The following FUT8 variants were observed in gnomAD, a reference collection of about 807,000 sequenced individuals.
FUT8 encodes fucosyltransferase 8.
In FUT8, 29 loss-of-function variants were observed where a neutral mutation model predicts 71.3. The ratio of observed to expected loss-of-function variants is 0.41; its 90% CI spans 0.30 to 0.55. FUT8 has a LOEUF of 0.55. Ranked by LOEUF, FUT8 falls within the 20% of genes least tolerant of loss-of-function variation. The pLI, the probability that FUT8 is intolerant of heterozygous loss-of-function variation, is 0.34. For missense variants in FUT8, 544 were observed against 702.1 expected (o/e 0.77, Z 2.55); for synonymous variants, 254 against 239.3 (o/e 1.06, Z -0.57).
chr14:65,566,194 G>T (rs1194503514), intron 3 of FUT8, among the ~76,000 whole-genome samples: 1 of 151,882 alleles, frequency 6.6e-6, no homozygotes, highest in Admixed American at 6.6e-5. Flanking sequence ...TTTCTGGAAG[G>T]ATAGCCCAGA....
At chr14:65,378,753 T>A in the FUT8 span, among the ~76,000 whole-genome samples, 1 of 150,874 alleles carries the variant, frequency 6.6e-6, no homozygotes, top group Admixed American at 6.6e-5. Flanking sequence ...TAGTGACCCT[T>A]ACAGCATCAA....
At chr14:65,531,311 G>A (rs1417363443) in intron 2 of FUT8, among the ~76,000 whole-genome samples, 5 of 152,010 alleles carry the variant, frequency 3.3e-5, no homozygotes, top group Non-Finnish European at 5.9e-5. Flanking sequence ...TTGAGTTCCT[G>A]TACTAGGTGT....
intron 2 of FUT8, among the ~76,000 whole-genome samples, chr14:65,548,491 AT>A (rs917003991): frequency 1.7e-4 from 26 of 148,886 alleles, no homozygotes; most frequent in African/African-American, 3.4e-4. Flanking sequence ...GGCCATCTTG[AT>A]TTTTTTTTTG....
At chr14:65,434,159 T>C (rs2065519427) in intron 1 of FUT8, among the ~76,000 whole-genome samples, 1 of 152,204 alleles carries the variant, frequency 6.6e-6, no homozygotes, top group Non-Finnish European at 1.5e-5. Context: ...AATTCTAAAA[T>C]GCCTTATACA....
At chr14:65,598,023 A>G (rs1188548164) in intron 3 of FUT8, among the ~76,000 whole-genome samples, 4 of 152,076 alleles carry the variant, frequency 2.6e-5, no homozygotes, top group African/African-American at 4.8e-5. Flanking sequence ...AAAAAATACA[A>G]TTAGCTGGGC....
chr14:65,595,775 A>G (rs1887944739), intron 3 of FUT8, among the ~76,000 whole-genome samples: 1 of 151,578 alleles, frequency 6.6e-6, no homozygotes, highest in Non-Finnish European at 1.5e-5. Flanking sequence ...CCCCTGGCTA[A>G]TTTTTTTGTA....
intron 3 of FUT8, among the ~76,000 whole-genome samples, chr14:65,582,665 C>T (rs1887156005): frequency 6.6e-6 from 1 of 152,186 alleles, no homozygotes; most frequent in South Asian, 2.1e-4. Flanking sequence ...TCATTGTACT[C>T]TCCACAGTTT....
intron 2 of FUT8, among the ~76,000 whole-genome samples, chr14:65,556,831 C>T (rs934967953): frequency 4.5e-4 from 68 of 152,252 alleles, no homozygotes; most frequent in African/African-American, 1.5e-3. Flanking sequence ...GGTGCCTCAC[C>T]ACTGATGATT....
chr14:65,564,517 G>A (rs1886084466), intron 3 of FUT8, among the ~76,000 whole-genome samples: 1 of 151,978 alleles, frequency 6.6e-6, no homozygotes, highest in Admixed American at 6.6e-5. Flanking sequence ...CAGTGTATTT[G>A]TGTAAATCTG....
At chr14:65,687,615 A>T (rs1163501714) in intron 7 of FUT8, among the ~76,000 whole-genome samples, 1 of 152,192 alleles carries the variant, frequency 6.6e-6, no homozygotes, top group Non-Finnish European at 1.5e-5. Context: ...TATATTTTTA[A>T]ATATTAGAGT....
intron 2 of FUT8, among the ~76,000 whole-genome samples, chr14:65,510,050 G>T (rs1363970924): frequency 6.6e-6 from 1 of 152,110 alleles, no homozygotes; most frequent in African/African-American, 2.4e-5. Flanking sequence ...TCCCCATTCA[G>T]TGTGATACTA....
chr14:65,602,922 T>G (rs1392825049), intron 3 of FUT8, among the ~76,000 whole-genome samples: 5 of 151,990 alleles, frequency 3.3e-5, no homozygotes, highest in African/African-American at 1.2e-4. Flanking sequence ...ATTCATAGTT[T>G]GCAGAGATTT....
chr14:65,393,939 A>C, the FUT8 span, among the ~76,000 whole-genome samples: 1 of 152,162 alleles, frequency 6.6e-6, no homozygotes, highest in Non-Finnish European at 1.5e-5. Flanking sequence ...AGCCAAGTGA[A>C]AGGGGGTTTC....
rs544072724 is a variant in FUT8, at chr14:65,626,128, A to C, written c.483-3364A>C. 3.9e-5 allele frequency among the ~76,000 whole-genome samples: 6 copies of C among 152,114 alleles called. No individual in the cohort carries two copies. The East Asian group carries it at 7.7e-4, about 20-fold the overall frequency. ...CCACGTGTTACTGTTACCCACATCT[A>C]ATGGCTCCTTCCTCTTGGTAGTAGA... On this transcript the variant is annotated intron_variant, in intron 5 of 10. Transcript: ENST00000673929.
At chr14:65,407,740 A>G (rs1162384143), upstream of FUT8, among the ~76,000 whole-genome samples, 1 of 152,268 alleles carries the variant, frequency 6.6e-6, no homozygotes, top group Non-Finnish European at 1.5e-5. Context: ...TGTAGAATTA[A>G]TAGTCCAGGA....
intron 2 of FUT8, among the ~76,000 whole-genome samples, chr14:65,536,603 G>A (rs896107369): frequency 6.6e-6 from 1 of 152,148 alleles, no homozygotes; most frequent in Non-Finnish European, 1.5e-5. Context: ...GACTTATGAG[G>A]TTTCTTCTGA....
chr14:65,390,916 C>T, the FUT8 span, among the ~76,000 whole-genome samples: 2 of 151,978 alleles, frequency 1.3e-5, no homozygotes, highest in Non-Finnish European at 2.9e-5. Flanking sequence ...TTAGTAGAGA[C>T]AGGGTTTCAC....
intron 3 of FUT8, among the ~76,000 whole-genome samples, chr14:65,579,353 C>T (rs1157855442): frequency 6.6e-6 from 1 of 152,074 alleles, no homozygotes; most frequent in East Asian, 1.9e-4. Flanking sequence ...TTACTTTTGG[C>T]ATTTGTTTTG....
At chr14:65,381,733 C>T in the FUT8 span, among the ~76,000 whole-genome samples, 1 of 152,194 alleles carries the variant, frequency 6.6e-6, no homozygotes, top group Non-Finnish European at 1.5e-5. Flanking sequence ...CCACCCACCC[C>T]AGGCTGCTCC....
Sources: allele counts gnomAD v4.1 joint callset (sites outside exome capture counted in the v4.1 genomes callset), GRCh38; gene constraint gnomAD v4.1.1; transcripts MANE v1.5; gene names NCBI Gene and HGNC (gene_info 2026-07-23, HGNC 2026-07-21).